Variants in HIPK1 observed in about 807,000 individuals in gnomAD.
The protein encoded by HIPK1 is homeodomain-interacting protein kinase 1.
In HIPK1, 28 loss-of-function variants were observed where a neutral mutation model predicts 117.1. That is an observed-to-expected ratio of 0.24 (90% CI 0.18 to 0.33). HIPK1 has a LOEUF of 0.33. Among genes scored for constraint, HIPK1 ranks in the 10% least tolerant of loss-of-function variants. The pLI, the probability that HIPK1 is intolerant of heterozygous loss-of-function variation, is 1.00. For synonymous variants in HIPK1, 605 were observed against 562.5 expected, an observed-to-expected ratio of 1.08 and a Z score of -1.07; for missense variants, 1,122 against 1,475.1, an observed-to-expected ratio of 0.76 and a Z score of 3.92.
At chr1:113,961,501 G>A (rs985168389) in intron 8 of HIPK1, among the ~76,000 whole-genome samples, 2 of 152,156 alleles carry the variant, frequency 1.3e-5, no homozygotes, top group East Asian at 1.9e-4. Flanking sequence ...GAGGAATGGG[G>A]AAAAGCATTC....
chr1:113,958,698 C>A (rs1456319977), intron 8 of HIPK1, among the ~76,000 whole-genome samples: 1 of 151,994 alleles, frequency 6.6e-6, no homozygotes, highest in Non-Finnish European at 1.5e-5. Flanking sequence ...AAATTATGTT[C>A]CCAATAAAAA....
rs1175194026 is a variant in HIPK1, at chr1:113,977,176, G to A, written c.*3664G>A. ...CACTAGTTGAGATGGTTTGTTTTAG[G>A]ATAGGAAATGAAATTGCCTCTCAGT... On this transcript the variant is annotated 3_prime_UTR_variant, in exon 16 of 16. Transcript: ENST00000426820. The A allele has an allele frequency of 6.6e-6, 1 of 151,096 alleles. No individual in the cohort carries two copies. The highest frequency in any genetic ancestry group is 2.4e-5 in the African/African-American group (1 of 41,094). 9.4% of individuals were successfully genotyped at this position (151,096 alleles called of 1,614,324 possible).
At chr1:113,963,317 G>A (rs890305054) in intron 9 of HIPK1, 70 bp from the exon 10 acceptor site, 1 of 1,553,490 alleles carries the variant, frequency 6.4e-7, no homozygotes, top group African/African-American at 1.4e-5. Flanking sequence ...TGGGGGGAAT[G>A]AGAACCCTTC....
At chr1:113,944,188 T>TTTTTTTTTTTG (rs1670839043) in intron 2 of HIPK1, among the ~76,000 whole-genome samples, 1 of 143,338 alleles carries the variant, frequency 7.0e-6, no homozygotes, top group African/African-American at 2.6e-5. Flanking sequence ...TTTTTTTTTT[T>TTTTTTTTTTTG]GAGATGGAGT....
At chr1:113,943,924 C>G (rs997532422) in intron 2 of HIPK1, among the ~76,000 whole-genome samples, 2 of 152,104 alleles carry the variant, frequency 1.3e-5, no homozygotes, top group Admixed American at 6.6e-5. Flanking sequence ...GAGCAGTCCT[C>G]CCACTTCAGC....
intron 13 of HIPK1, among the ~76,000 whole-genome samples, chr1:113,969,025 G>A (rs937007528): frequency 2.7e-5 from 4 of 146,410 alleles, no homozygotes; most frequent in Admixed American, 6.8e-5. Flanking sequence ...ATCCCCTCCC[G>A]CCCCCACCCA....
chr1:113,942,172 G>T (rs916662604), intron 2 of HIPK1, among the ~76,000 whole-genome samples: 1 of 150,454 alleles, frequency 6.6e-6, no homozygotes, highest in Admixed American at 6.6e-5. Flanking sequence ...GATTTCTCCT[G>T]CTACTCCTGT....
intron 1 of HIPK1, chr1:113,929,929 A>G: frequency 1.0e-6 from 1 of 985,660 alleles, no homozygotes; most frequent in Non-Finnish European, 1.2e-6. Flanking sequence ...TGAGAACCAG[A>G]CACACCGGCG....
chr1:113,951,778 A>G (rs1299275081), intron 2 of HIPK1, among the ~76,000 whole-genome samples: 1 of 152,208 alleles, frequency 6.6e-6, no homozygotes, highest in Middle Eastern at 3.2e-3. Context: ...CAGAGAGATC[A>G]AGTAATATAC....
Position 113,956,685 on chromosome 1 carries a change from G to T in HIPK1, c.1466G>T (p.Arg489Ile). 6.2e-7 allele frequency: 1 copy of T among 1,614,030 alleles called. No homozygotes were observed. The highest frequency in any genetic ancestry group is 1.1e-5 in the South Asian group (1 of 91,074). The change falls in exon 6 of 16, where the codon AGA becomes ATA. Residue 489 changes from arginine to isoleucine, a missense_variant. Around this residue, in one of 6 missense-constraint regions of HIPK1, gnomAD observed 127 missense variants for 197.9 expected, o/e 0.64. Coordinates refer to ENST00000426820, the MANE Select transcript of HIPK1 (RefSeq NM_198268.3). ...ATGTTGGCAGAGAAGGCAGACCGAA[G>T]AGAATACATTGATCTGTTAAAGAAA... ...TDMLAEKADR[R>I]EYIDLLKKML...
rs750285474 is a variant in HIPK1 at position 113,941,168 on chromosome 1, A to G, written c.785A>G (p.Asn262Ser). ...TCATACGAGTGCTTTCAGCATAAGA[A>G]TCACACCTGCCTTGTTTTTGAAATG... ...VRSYECFQHK[N>S]HTCLVFEMLE... Residue 262 changes from asparagine (N) to serine (S), a missense_variant, in exon 2 of 16, where the codon AAT (asparagine) becomes AGT (serine). This residue lies in a region of HIPK1 where 62 missense variants were observed against 121.5 expected (regional missense o/e 0.51). Coordinates refer to ENST00000426820, the MANE Select transcript of HIPK1 (RefSeq NM_198268.3). The surrounding 1 kb of genome is among the most constrained non-coding windows in gnomAD (Gnocchi z 4.9). 1 of 1,614,274 alleles carries G rather than the reference A, an allele frequency of 6.2e-7. No individual in the cohort carries two copies. Among genetic ancestry groups the G allele is most frequent in the Non-Finnish European group, 8.5e-7 (1 of 1,180,042 alleles).
chr1:113,936,813 C>T (rs1670280619), intron 1 of HIPK1, among the ~76,000 whole-genome samples: 1 of 152,190 alleles, frequency 6.6e-6, no homozygotes, highest in Non-Finnish European at 1.5e-5. Flanking sequence ...TTGCTACAAA[C>T]TGCAAATTTT....
rs1407349941 is a variant in HIPK1 at position 113,969,973 on chromosome 1, G to A, written c.2789G>A (p.Arg930Lys). 1 of 1,614,002 alleles carries A rather than the reference G, an allele frequency of 6.2e-7. No homozygotes were observed. The highest frequency in any genetic ancestry group is 1.3e-5 in the African/African-American group (1 of 74,922). The change falls in exon 14 of 16, where the codon AGG becomes AAG. Residue 930 changes from arginine to lysine, a missense_variant. By Grantham distance (26) the Arg-to-Lys change is conservative. Around this residue, in one of 6 missense-constraint regions of HIPK1, gnomAD observed 731 missense variants for 860.4 expected, o/e 0.85. Coordinates refer to ENST00000426820, the MANE Select transcript of HIPK1 (RefSeq NM_198268.3). ...TTCCTCAGCTCTGGACTGAAGCCAAGGTCTAATGTCATCAGTTATGTCACT... is the reference window on the plus strand; with the variant it reads ...TTCCTCAGCTCTGGACTGAAGCCAAAGTCTAATGTCATCAGTTATGTCACT... ...YKPSSSGLKP[R>K]SNVISYVTVN...
chr1:113,964,215 T>G (rs1253797621), intron 10 of HIPK1, among the ~76,000 whole-genome samples: 2 of 152,234 alleles, frequency 1.3e-5, no homozygotes, highest in Non-Finnish European at 2.9e-5. Context: ...GACACATTTT[T>G]AGGAGTTTTG....
Position 113,932,909 on chromosome 1 carries a change from T to C in HIPK1, c.-3+3377T>C, listed in dbSNP as rs550528020. 1.4e-4 allele frequency among the ~76,000 whole-genome samples: 21 copies of C among 152,370 alleles called. No individual in the cohort carries two copies. The South Asian group carries it at 4.1e-3, about 30-fold the overall frequency. ...CATCTTCCATTCTCCAAACTGCTGT[T>C]GCCTTACTTAAGTCCCGTTTTCCTT... On this transcript the variant is annotated intron_variant, in intron 1 of 15. Coordinates refer to ENST00000426820, the MANE Select transcript of HIPK1 (RefSeq NM_198268.3).
chr1:113,967,077 G>A (rs1672501705), intron 11 of HIPK1, among the ~76,000 whole-genome samples: 1 of 152,058 alleles, frequency 6.6e-6, no homozygotes, highest in Admixed American at 6.5e-5. Flanking sequence ...TACTTTTTGT[G>A]GCTGAGTAGT....
chr1:113,949,809 A>C (rs1476742004), intron 2 of HIPK1, among the ~76,000 whole-genome samples: 1 of 152,084 alleles, frequency 6.6e-6, no homozygotes, highest in African/African-American at 2.4e-5. Context: ...CATGTTGGCC[A>C]GGCTGGTCTC....
chr1:113,953,707 C>T (rs1160332683), intron 3 of HIPK1, among the ~76,000 whole-genome samples: 2 of 151,946 alleles, frequency 1.3e-5, no homozygotes, highest in African/African-American at 2.4e-5. Context: ...TTAGTAGAGA[C>T]GGGGTTTCAC....
intron 9 of HIPK1, among the ~76,000 whole-genome samples, 161 bp from the exon 10 acceptor site, chr1:113,963,226 T>C (rs939747702): frequency 6.6e-6 from 1 of 152,244 alleles, no homozygotes; most frequent in Non-Finnish European, 1.5e-5. Context: ...GCCAATGCCA[T>C]ACAAAGTTGA....
Sources: gnomAD v4.1 joint callset for allele counts (sites outside exome capture counted in the v4.1 genomes callset) on GRCh38, gnomAD v4.1.1 for gene constraint, gnomAD v4.1.1 regional missense constraint, Gnocchi (gnomAD v3.1) non-coding constraint, MANE v1.5 for transcripts, NCBI Gene and HGNC (gene_info 2026-07-23, HGNC 2026-07-21) for gene names.